The following AK9 variants were observed in gnomAD, a reference collection of about 807,000 sequenced individuals.
AK9 encodes the protein adenylate kinase 9.
AK9 carries 191 observed loss-of-function variants against 239.6 expected under a neutral mutation model. The ratio of observed to expected loss-of-function variants is 0.80; its 90% CI spans 0.71 to 0.90. The LOEUF (loss-of-function observed/expected upper bound fraction) is 0.90, where lower values mean the gene tolerates loss of function less well. Ranked by LOEUF, AK9 falls within the 40% of genes least tolerant of loss-of-function variation. The probability of loss-of-function intolerance (pLI) is 0.00; values close to 1 mark genes in which losing one functional copy is unlikely to be tolerated. For synonymous variants in AK9, 689 were observed against 721.0 expected, an observed-to-expected ratio of 0.96 and a Z score of 0.71; for missense variants, 1,995 against 2,214.7, an observed-to-expected ratio of 0.90 and a Z score of 1.99.
chr6:109,591,423 G>A (rs746631142), intron 17 of AK9, among the ~76,000 whole-genome samples: 64 of 151,860 alleles, frequency 4.2e-4, no homozygotes, highest in Non-Finnish European at 8.7e-4. Context: ...TACTAGTTAG[G>A]TGGGTTTCTT....
intron 20 of AK9, among the ~76,000 whole-genome samples, chr6:109,574,768 GTTC>G (rs1787850981): frequency 6.6e-6 from 1 of 151,940 alleles, no homozygotes; most frequent in South Asian, 2.1e-4. Context: ...CCATGGAAAA[GTTC>G]TTTGGTGGTG....
chr6:109,645,025 T>A (rs1050336539), intron 8 of AK9, among the ~76,000 whole-genome samples: 1 of 152,256 alleles, frequency 6.6e-6, no homozygotes, highest in Non-Finnish European at 1.5e-5. Flanking sequence ...GATTAAACTT[T>A]AAGTCACAGA....
intron 6 of AK9, among the ~76,000 whole-genome samples, chr6:109,662,274 G>A (rs906861773): frequency 2.0e-5 from 3 of 152,106 alleles, no homozygotes; most frequent in East Asian, 3.9e-4. Context: ...GTGGTGGAGC[G>A]GGGTAGTTGT....
Position 109,610,446 on chromosome 6 carries a change from C to G in AK9, c.1761G>C (p.Glu587Asp). ...DHPEVVTMIEETIKMSQDINF... is the reference protein window; with the variant it reads ...DHPEVVTMIEDTIKMSQDINF... ...TTATATCCTGTGACATTTTTATAGT[C>G]TCTTCAATCATGGTCACAACCTCTG... Residue 587 changes from glutamate to aspartate, a missense_variant, in exon 17 of 41, where the codon GAG (glutamate) becomes GAC (aspartate). This residue lies in a region of AK9 where 1,290 missense variants were observed against 1,392.7 expected (regional missense o/e 0.93). Transcript: ENST00000424296. The G allele has an allele frequency of 6.4e-7, 1 of 1,551,410 alleles. No homozygotes were observed. The highest frequency in any genetic ancestry group is 8.7e-7 in the Non-Finnish European group (1 of 1,146,806).
chr6:109,651,026 A>C (rs1345502177), intron 8 of AK9, among the ~76,000 whole-genome samples: 1 of 152,154 alleles, frequency 6.6e-6, no homozygotes, highest in African/African-American at 2.4e-5. Flanking sequence ...GTGGGAATTG[A>C]ACAATGACAA....
chr6:109,625,136 G>GT (rs901791321), intron 12 of AK9, among the ~76,000 whole-genome samples: 29 of 152,128 alleles, frequency 1.9e-4, no homozygotes, highest in African/African-American at 6.3e-4. Context: ...CTTCATTTGC[G>GT]TGAGTATTGT....
At chr6:109,606,562 G>C (rs1012656887) in intron 17 of AK9, among the ~76,000 whole-genome samples, 3 of 152,204 alleles carry the variant, frequency 2.0e-5, no homozygotes, top group Non-Finnish European at 4.4e-5. Flanking sequence ...AGCTTCCACT[G>C]CAAAACACAG....
chr6:109,646,547 G>C (rs2128294793), intron 8 of AK9, among the ~76,000 whole-genome samples: 1 of 152,154 alleles, frequency 6.6e-6, no homozygotes, highest in East Asian at 1.9e-4. Context: ...AAAAAAAAGA[G>C]TAAAAAGAAA....
intron 17 of AK9, among the ~76,000 whole-genome samples, chr6:109,592,504 T>A (rs1790406610): frequency 6.8e-6 from 1 of 147,118 alleles, no homozygotes; most frequent in Non-Finnish European, 1.5e-5. Context: ...TGGACTGCAG[T>A]GGCACTATCT....
At position 109,493,320 on chromosome 6, in the gene AK9, A is replaced by T. The variant is rs1319391660; in HGVS notation, c.*49T>A. On this transcript the variant is annotated 3_prime_UTR_variant, in exon 41 of 41. Transcript: ENST00000424296. ...AATCTACTTCTCTCAGTTTCCCTCT[A>T]TCACTTTCAGATAACTCTTGAGATT... 3 of 1,565,634 alleles carry T rather than the reference A, an allele frequency of 1.9e-6. No individual in the cohort carries two copies. The Admixed American group carries it at 5.1e-5, about 27-fold the overall frequency.
intron 19 of AK9, among the ~76,000 whole-genome samples, chr6:109,580,192 C>T (rs1222497971): frequency 6.6e-6 from 1 of 151,516 alleles, no homozygotes; most frequent in African/African-American, 2.4e-5. Flanking sequence ...AGAAAAAAAC[C>T]CTAATTATTT....
In AK9 at chr6:109,493,554, A is replaced by C. The variant is rs1398965246; in HGVS notation, c.5551T>G (p.Ser1851Ala). Residue 1851 changes from serine to alanine, a missense_variant, in exon 41 of 41, where the codon TCC (serine) becomes GCC (alanine). This residue lies in a region of AK9 where 391 missense variants were observed against 456.0 expected (regional missense o/e 0.86). Coordinates refer to ENST00000424296, the MANE Select transcript of AK9 (RefSeq NM_001145128.3). ...TTATACTTTTTTCTTGTGTATTCGG[A>C]ACCTTTGGGATTAAATGCTGTAGAA... Reference protein sequence around the residue: ...LHLKAFNPKGSEYTRKKYKKK... With the variant: ...LHLKAFNPKGAEYTRKKYKKK... 6.2e-7 allele frequency: 1 copy of C among 1,613,580 alleles called. No homozygotes were observed. Among genetic ancestry groups the C allele is most frequent in the Admixed American group, 1.7e-5 (1 of 59,976 alleles).
chr6:109,610,952 A>C (rs1007139654), intron 16 of AK9, among the ~76,000 whole-genome samples: 1 of 152,164 alleles, frequency 6.6e-6, no homozygotes, highest in Non-Finnish European at 1.5e-5. Flanking sequence ...GATGGAGAAA[A>C]GGTGGCATAG....
intron 17 of AK9, among the ~76,000 whole-genome samples, chr6:109,586,932 A>G (rs1789575880): frequency 6.6e-6 from 1 of 152,092 alleles, no homozygotes; most frequent in Non-Finnish European, 1.5e-5. Flanking sequence ...AAGAGGGCCA[A>G]TATTACCCTC....
intron 12 of AK9, among the ~76,000 whole-genome samples, chr6:109,621,893 T>TAAAAAAAAAA (rs59405869): frequency 3.2e-4 from 18 of 55,490 alleles, no homozygotes; most frequent in African/African-American, 1.3e-3. Flanking sequence ...AAAGTATAAT[T>TAAAAAAAAAA]AAAAAAAAAA....
At chr6:109,648,757 C>G (rs548696332) in intron 8 of AK9, among the ~76,000 whole-genome samples, 5 of 152,308 alleles carry the variant, frequency 3.3e-5, no homozygotes, top group East Asian at 1.9e-4. Context: ...CAGCATCATC[C>G]TGATACCAAA....
chr6:109,657,268 G>A lies in AK9; in HGVS notation c.631-384C>T, dbSNP rs113068811. 6.1e-3 allele frequency among the ~76,000 whole-genome samples: 926 copies of A among 152,186 alleles called. 14 individuals carry two copies. Among genetic ancestry groups the A allele is most frequent in the African/African-American group, 0.021 (880 of 41,526 alleles). ...CATCAGGCACTGTTCTAAGGATTTG[G>A]AATAGAACAGTGAACAAAACCAACT... On this transcript the variant is annotated intron_variant, in intron 7 of 40. Coordinates refer to ENST00000424296, the MANE Select transcript of AK9 (RefSeq NM_001145128.3).
At position 109,497,879 on chromosome 6, in the gene AK9, T is replaced by C. The variant is rs1777233817; in HGVS notation, c.5133A>G (p.Thr1711=). ...GGAATCGACTCTTCAGCTCTGACAG[T>C]GTCAGTCTTTTGGGGATCATGTCAG... The part of the protein sequence containing the change: ...PSADMIPKRL[T]LSELKSRFPK... Residue 1711 remains threonine, a synonymous_variant, in exon 37 of 41, where the codon ACA becomes ACG. Coordinates refer to ENST00000424296, the MANE Select transcript of AK9 (RefSeq NM_001145128.3). The C allele has an allele frequency of 1.2e-6, 2 of 1,613,856 alleles. No individual in the cohort carries two copies. Among genetic ancestry groups the C allele is most frequent in the Non-Finnish European group, 1.7e-6 (2 of 1,179,938 alleles).
rs1793455461 is a variant in AK9, at chr6:109,610,554, T to C, written c.1694-41A>G. The C allele has an allele frequency of 2.0e-6, 3 of 1,521,904 alleles. No individual in the cohort carries two copies. The African/African-American group carries it at 4.2e-5, about 21-fold the overall frequency. 94.3% of individuals were successfully genotyped at this position (1,521,904 alleles called of 1,614,324 possible). On this transcript the variant is annotated intron_variant, in intron 16 of 40. Transcript: ENST00000424296. ...CTGATAAATTAATGCCATTAATAAT[T>C]TTAGTGGACAATACTACTTGCAATA...
Sources: gnomAD v4.1 joint callset for allele counts (sites outside exome capture counted in the v4.1 genomes callset) on GRCh38, gnomAD v4.1.1 for gene constraint, gnomAD v4.1.1 regional missense constraint, MANE v1.5 for transcripts, NCBI Gene and HGNC (gene_info 2026-07-23, HGNC 2026-07-21) for gene names.